ADCY3: variants seen among roughly 807,000 people sequenced by gnomAD.
The protein encoded by ADCY3 is adenylate cyclase type 3.
Under a neutral mutation model 119.4 loss-of-function variants are expected in ADCY3, and 70 were observed. The ratio of observed to expected loss-of-function variants is 0.59; its 90% CI spans 0.48 to 0.72. The LOEUF (loss-of-function observed/expected upper bound fraction) is 0.72. Among genes scored for constraint, ADCY3 ranks in the 30% least tolerant of loss-of-function variants. ADCY3 has a pLI of 0.00. For synonymous variants in ADCY3, 672 were observed against 621.4 expected (o/e 1.08, Z -1.21); for missense variants, 1,238 against 1,541.6 (o/e 0.80, Z 3.30).
At chr2:24,903,871 A>G (rs1160583811) in intron 2 of ADCY3, among the ~76,000 whole-genome samples, 1 of 152,202 alleles carries the variant, frequency 6.6e-6, no homozygotes, top group Non-Finnish European at 1.5e-5. Context: ...TCAGGGGAAC[A>G]AAGTGAGGCC....
intron 3 of ADCY3, among the ~76,000 whole-genome samples, chr2:24,856,689 T>C (rs1673041036): frequency 6.6e-6 from 1 of 152,208 alleles, no homozygotes; most frequent in Non-Finnish European, 1.5e-5. Flanking sequence ...GGCCCACGTG[T>C]GCTGCCCCTG....
Position 24,834,993 on chromosome 2 carries a change from G to A in ADCY3, c.1663-57C>T. ...AGATGGGACAGAGTGGTGGGGAAGA[G>A]CTGGGAAAGACAGAGGTGGAGGAGG... On this transcript the variant is annotated intron_variant, in intron 9 of 21. Coordinates refer to ENST00000679454, the MANE Select transcript of ADCY3 (RefSeq NM_004036.5). This position sits in a 1 kb window ranked among gnomAD's most constrained non-coding sequence, Gnocchi z 4.2. 6.3e-7 allele frequency: 1 copy of A among 1,580,256 alleles called. No homozygotes were observed. The highest frequency in any genetic ancestry group is 1.7e-5 in the Admixed American group (1 of 58,334).
rs1326524643 is a variant in ADCY3, at chr2:24,878,638, A to C, written c.676-5919T>G. Among the ~76,000 whole-genome samples the C allele has an allele frequency of 6.6e-6, 1 of 152,166 alleles. No individual in the cohort carries two copies. The highest frequency in any genetic ancestry group is 1.5e-5 in the Non-Finnish European group (1 of 68,026). On this transcript the variant is annotated intron_variant, in intron 2 of 21. Coordinates refer to ENST00000679454, the MANE Select transcript of ADCY3 (RefSeq NM_004036.5). This position sits in a 1 kb window ranked among gnomAD's most constrained non-coding sequence, Gnocchi z 4.0. ...AAAAGTCTCCTAGCAGCCATGGGGC[A>C]GGAAGGAGGAGGGGAGGTGGCCCCT...
At chr2:24,849,698 C>T (rs956185797) in intron 3 of ADCY3, among the ~76,000 whole-genome samples, 1 of 152,172 alleles carries the variant, frequency 6.6e-6, no homozygotes, top group Non-Finnish European at 1.5e-5. Flanking sequence ...GAGTTTTAAA[C>T]AAGACGTCAG....
chr2:24,911,643 A>C (rs1410792246), intron 2 of ADCY3, among the ~76,000 whole-genome samples: 10,995 of 59,536 alleles, frequency 0.18, 1,082 homozygotes, highest in African/African-American at 0.48. Context: ...GACTCAAAAA[A>C]AAAAAAAAAA....
At chr2:24,910,804 G>A (rs1396418709) in intron 2 of ADCY3, among the ~76,000 whole-genome samples, 9 of 151,552 alleles carry the variant, frequency 5.9e-5, no homozygotes, top group Admixed American at 2.0e-4. Context: ...GCATCACCAC[G>A]CCCGGCTGAT....
At chr2:24,885,378 T>G (rs140745296) in intron 2 of ADCY3, among the ~76,000 whole-genome samples, 1 of 152,270 alleles carries the variant, frequency 6.6e-6, no homozygotes, top group Non-Finnish European at 1.5e-5. Flanking sequence ...CACCCAAGCT[T>G]GTCATGGTCT....
chr2:24,840,665 C>T (rs1670892329), intron 6 of ADCY3: 1 of 392,250 alleles, frequency 2.5e-6, no homozygotes, highest in African/African-American at 2.1e-5. Flanking sequence ...ACCCCGGGTC[C>T]CGCAGAGGCT....
chr2:24,886,565 T>C (rs1313758413), intron 2 of ADCY3, among the ~76,000 whole-genome samples: 1 of 152,162 alleles, frequency 6.6e-6, no homozygotes, highest in Non-Finnish European at 1.5e-5. Flanking sequence ...CTGCTTCGCC[T>C]TGACACAGAA....
At chr2:24,848,187 C>T (rs1671873742) in intron 3 of ADCY3, among the ~76,000 whole-genome samples, 1 of 152,222 alleles carries the variant, frequency 6.6e-6, no homozygotes, top group African/African-American at 2.4e-5. Context: ...TGTGGGTTTA[C>T]AGAAATGAGG....
chr2:24,918,931 C>T lies in ADCY3; in HGVS notation c.57G>A (p.Glu19=). Residue 19 remains glutamate (E), a synonymous_variant, in exon 2 of 22, where the codon GAG becomes GAA. Coordinates refer to ENST00000679454, the MANE Select transcript of ADCY3 (RefSeq NM_004036.5). This position sits in a 1 kb window ranked among gnomAD's most constrained non-coding sequence, Gnocchi z 5.4. ...EPEYSAEYSA[E]YSVSLPSDPD... The stretch of plus-strand genomic sequence containing the variant: ...GGTCGGAGGGCAGGCTGACGGAGTA[C>T]TCGGCTGAGTACTCGGCCGAGTATT... The T allele has an allele frequency of 6.2e-7, 1 of 1,611,820 alleles. No homozygotes were observed. Among genetic ancestry groups the T allele is most frequent in the South Asian group, 1.1e-5 (1 of 91,028 alleles).
intron 2 of ADCY3, among the ~76,000 whole-genome samples, chr2:24,907,634 G>T (rs1278693682): frequency 1.3e-5 from 2 of 152,102 alleles, no homozygotes; most frequent in Non-Finnish European, 2.9e-5. Context: ...GGAGAGAGGG[G>T]ATGGGCCTGC....
At position 24,819,449 on chromosome 2, in the gene ADCY3, T is replaced by C. The variant is rs1335111816; in HGVS notation, c.*483A>G. 6.5e-6 allele frequency: 1 copy of C among 153,322 alleles called. No individual in the cohort carries two copies. The highest frequency in any genetic ancestry group is 1.5e-5 in the Non-Finnish European group (1 of 68,566). 9.5% of individuals were successfully genotyped at this position (153,322 alleles called of 1,614,324 possible). ...GGAGTTCCAGAAGAACCTTTCAAGATGATCAGGAACACCAGGACGAGGGCC... is the reference window on the plus strand; with the variant it reads ...GGAGTTCCAGAAGAACCTTTCAAGACGATCAGGAACACCAGGACGAGGGCC... On this transcript the variant is annotated 3_prime_UTR_variant, in exon 22 of 22. Transcript: ENST00000679454.
intron 3 of ADCY3, among the ~76,000 whole-genome samples, chr2:24,852,585 C>T (rs181304974): frequency 2.0e-5 from 3 of 152,238 alleles, no homozygotes; most frequent in African/African-American, 4.8e-5. Flanking sequence ...GAGTGGCCAC[C>T]GTGTACTCAG....
intron 3 of ADCY3, among the ~76,000 whole-genome samples, chr2:24,854,162 G>A (rs890244522): frequency 7.9e-5 from 12 of 152,182 alleles, no homozygotes; most frequent in African/African-American, 1.4e-4. Flanking sequence ...CCAGAGAACC[G>A]GACTGTGGAA....
Position 24,898,367 on chromosome 2 carries a change from T to C in ADCY3, c.675+19946A>G, listed in dbSNP as rs866928539. Among the ~76,000 whole-genome samples, 36 of 151,448 alleles carry C rather than the reference T, an allele frequency of 2.4e-4. No individual in the cohort carries two copies. Among genetic ancestry groups the C allele is most frequent in the African/African-American group, 8.0e-4 (33 of 41,218 alleles). On this transcript the variant is annotated intron_variant, in intron 2 of 21. Transcript: ENST00000679454. This position sits in a 1 kb window ranked among gnomAD's most constrained non-coding sequence, Gnocchi z 4.3. ...AGAAAGGAAGGGAGTGGACCTACTG[T>C]CTGCGGGATGGGAGTCGGGACACTG...
In ADCY3 at chr2:24,918,963, C is replaced by G; in HGVS notation, c.25G>C (p.Glu9Gln). Residue 9 changes from glutamate to glutamine, a missense_variant, in exon 2 of 22, where the codon GAG becomes CAG. By Grantham distance (29) the Glu-to-Gln change is conservative. Transcript: ENST00000679454. The surrounding 1 kb of genome is among the most constrained non-coding windows in gnomAD (Gnocchi z 5.4). MPRNQGFS[E>Q]PEYSAEYSAE... is the part of the protein sequence containing the mutation. ...GAGTACTCGGCCGAGTATTCGGGCT[C>G]GGAGAAGCCCTGGTTCCTCGGCATA... 6.3e-7 allele frequency: 1 copy of G among 1,595,074 alleles called. No homozygotes were observed.
intron 16 of ADCY3, chr2:24,825,796 C>A: frequency 3.7e-6 from 2 of 540,688 alleles, no homozygotes; most frequent in South Asian, 4.6e-5. Flanking sequence ...TATCCCCTCC[C>A]ACCTTCACTC....
intron 15 of ADCY3, 42 bp downstream of exon 15, chr2:24,827,504 G>C: frequency 6.4e-7 from 1 of 1,557,360 alleles, no homozygotes; most frequent in South Asian, 1.2e-5. Flanking sequence ...TCTAGAAGAA[G>C]GGCTGTGAGT....
Sources: allele counts gnomAD v4.1 joint callset (sites outside exome capture counted in the v4.1 genomes callset), GRCh38; gene constraint gnomAD v4.1.1; non-coding constraint Gnocchi (gnomAD v3.1); transcripts MANE v1.5; gene names NCBI Gene and HGNC (gene_info 2026-07-23, HGNC 2026-07-21).